The following CHODL variants were observed in gnomAD, a reference collection of about 807,000 sequenced individuals.
CHODL encodes the protein transmembrane protein MT75.
A neutral mutation model predicts 34.5 loss-of-function variants in CHODL; 29 were observed. The ratio of observed to expected loss-of-function variants is 0.84; its 90% CI spans 0.63 to 1.15. The LOEUF (loss-of-function observed/expected upper bound fraction) is 1.15. CHODL is among the 50% of genes most tolerant of loss of function. CHODL has a pLI of 0.00. For synonymous variants in CHODL, 125 were observed against 116.1 expected (o/e 1.08, Z -0.49); for missense variants, 332 against 332.5 (o/e 1.00, Z 0.01).
rs185788665 is a variant in CHODL, at chr21:17,976,037, C to G, written c.-144-51835C>G. Among the ~76,000 whole-genome samples the G allele has an allele frequency of 1.2e-3, 175 of 151,960 alleles. 1 individual carries two copies. The highest frequency in any genetic ancestry group is 3.9e-3 in the African/African-American group (161 of 41,504). On this transcript the variant is annotated intron_variant, in intron 1 of 6. Transcript: ENST00000400127. ...ACCTTAAGTTTCTGTGAGAAATAGG[C>G]TTTGTTAATATGACGAAACTCTAAA...
At chr21:18,211,141 T>TACACACAAACACACAC (rs2073769883) in intron 2 of CHODL, among the ~76,000 whole-genome samples, 1 of 148,686 alleles carries the variant, frequency 6.7e-6, no homozygotes, top group Non-Finnish European at 1.5e-5. Flanking sequence ...TACACATGGA[T>TACACACAAACACACAC]ACACACACAC....
At chr21:17,931,180 G>T (rs1194651134) in intron 1 of CHODL, among the ~76,000 whole-genome samples, 2 of 152,118 alleles carry the variant, frequency 1.3e-5, no homozygotes, top group Non-Finnish European at 2.9e-5. Context: ...GTATTCATGG[G>T]TGAGCTTGGT....
intron 2 of CHODL, among the ~76,000 whole-genome samples, chr21:18,084,503 A>T (rs2064979737): frequency 6.6e-6 from 1 of 152,208 alleles, no homozygotes; most frequent in South Asian, 2.1e-4. Context: ...TAAAATTTGC[A>T]GCCTAATTTC....
intron 2 of CHODL, among the ~76,000 whole-genome samples, chr21:18,137,378 A>C (rs890242738): frequency 6.6e-6 from 1 of 152,226 alleles, no homozygotes; most frequent in Non-Finnish European, 1.5e-5. Context: ...GGAAAGATTC[A>C]GGATAATGGA....
chr21:17,966,506 C>T (rs958496796), intron 1 of CHODL, among the ~76,000 whole-genome samples: 8 of 152,170 alleles, frequency 5.3e-5, no homozygotes, highest in Admixed American at 3.3e-4. Context: ...TGAGTCCGCA[C>T]TTGTCTAGTT....
chr21:18,246,285 GT>G (rs5842678), intron 1 of CHODL, among the ~76,000 whole-genome samples: 2,053 of 152,182 alleles, frequency 0.013, 25 homozygotes, highest in Non-Finnish European at 0.022. Flanking sequence ...AGGGTGAAAA[GT>G]TTTTTTAAAA....
intron 2 of CHODL, among the ~76,000 whole-genome samples, chr21:18,178,574 T>C (rs2073344241): frequency 1.3e-5 from 2 of 152,230 alleles, no homozygotes; most frequent in Admixed American, 1.3e-4. Context: ...TTACATGTAT[T>C]ATATACTGTA....
At chr21:18,126,155 A>C (rs1265808960) in intron 2 of CHODL, among the ~76,000 whole-genome samples, 1 of 152,158 alleles carries the variant, frequency 6.6e-6, no homozygotes, top group Non-Finnish European at 1.5e-5. Context: ...CTATCTCTTA[A>C]AAAAATTGCC....
In CHODL at chr21:18,105,374, C is replaced by T. The variant is rs568025380; in HGVS notation, c.-45+77403C>T. Among the ~76,000 whole-genome samples, 19 of 152,290 alleles carry T rather than the reference C, an allele frequency of 1.2e-4. 1 individual carries two copies. Among genetic ancestry groups the T allele is most frequent in the African/African-American group, 4.6e-4 (19 of 41,564 alleles). On this transcript the variant is annotated intron_variant, in intron 2 of 6. Transcript: ENST00000400127. Reference sequence around the variant, plus strand: ...GATTTTATCCCAATTGTGGCTGACACCTGACTTATGTGCCTTTTCAAAGCC... The same window carrying T: ...GATTTTATCCCAATTGTGGCTGACATCTGACTTATGTGCCTTTTCAAAGCC...
intron 1 of CHODL, among the ~76,000 whole-genome samples, chr21:17,990,434 T>G (rs2063788074): frequency 6.6e-6 from 1 of 152,124 alleles, no homozygotes; most frequent in South Asian, 2.1e-4. Context: ...TATATCGTTC[T>G]TTCCTGTATA....
At chr21:18,031,447 A>G (rs2064246697) in intron 2 of CHODL, among the ~76,000 whole-genome samples, 1 of 152,138 alleles carries the variant, frequency 6.6e-6, no homozygotes, top group Non-Finnish European at 1.5e-5. Context: ...AAAGAATTTC[A>G]GAAGGCTTAA....
At chr21:18,110,832 C>A (rs1459298337) in intron 2 of CHODL, among the ~76,000 whole-genome samples, 1 of 152,110 alleles carries the variant, frequency 6.6e-6, no homozygotes, top group Non-Finnish European at 1.5e-5. Flanking sequence ...TCCAATCCAC[C>A]AAGGATTTTC....
intron 1 of CHODL, among the ~76,000 whole-genome samples, chr21:18,248,172 T>A (rs2074166973): frequency 6.6e-6 from 1 of 151,926 alleles, no homozygotes; most frequent in Non-Finnish European, 1.5e-5. Context: ...ATGTTTTATT[T>A]AGGAGACTGG....
chr21:18,075,992 G>C (rs1568872993), intron 2 of CHODL, among the ~76,000 whole-genome samples: 1 of 152,136 alleles, frequency 6.6e-6, no homozygotes, highest in South Asian at 2.1e-4. Context: ...CACTGAATCT[G>C]GAAGCATCTC....
At chr21:18,095,518 G>C (rs1399747040) in intron 2 of CHODL, among the ~76,000 whole-genome samples, 1 of 152,124 alleles carries the variant, frequency 6.6e-6, no homozygotes. Flanking sequence ...ATATTAAAAT[G>C]TCTTTCAGTA....
intron 1 of CHODL, among the ~76,000 whole-genome samples, chr21:18,251,730 T>C (rs1363393454): frequency 8.9e-6 from 1 of 111,786 alleles, no homozygotes; most frequent in East Asian, 2.4e-4. Context: ...AATAAATATT[T>C]ATTTTATTTA....
chr21:18,208,571 T>G (rs1237774753), intron 2 of CHODL, among the ~76,000 whole-genome samples: 1 of 152,144 alleles, frequency 6.6e-6, no homozygotes, highest in African/African-American at 2.4e-5. Flanking sequence ...TTCTGGGCAT[T>G]GAATAGCTAA....
intron 2 of CHODL, among the ~76,000 whole-genome samples, chr21:18,213,421 A>G (rs2073792842): frequency 1.3e-5 from 2 of 152,086 alleles, no homozygotes; most frequent in South Asian, 4.1e-4. Flanking sequence ...ACCGAATGCT[A>G]TTATTGCCCA....
chr21:17,927,112 A>G (rs1188423328), intron 1 of CHODL, among the ~76,000 whole-genome samples: 1 of 132,584 alleles, frequency 7.5e-6, no homozygotes, highest in Non-Finnish European at 1.5e-5. Context: ...GTGTATGTAT[A>G]TATGTATATA....
Sources: gnomAD v4.1 joint callset for allele counts (sites outside exome capture counted in the v4.1 genomes callset) on GRCh38, gnomAD v4.1.1 for gene constraint, MANE v1.5 for transcripts, NCBI Gene and HGNC (gene_info 2026-07-23, HGNC 2026-07-21) for gene names.